ZDHHC15: variants seen among roughly 807,000 people sequenced by gnomAD.
The protein encoded by ZDHHC15 is palmitoyltransferase ZDHHC15.
A neutral mutation model predicts 31.7 loss-of-function variants in ZDHHC15; 19 were observed. The ratio of observed to expected loss-of-function variants is 0.60; its 90% CI spans 0.42 to 0.88. The LOEUF (loss-of-function observed/expected upper bound fraction) is 0.88, where lower values mean the gene tolerates loss of function less well. Among genes scored for constraint, ZDHHC15 ranks in the 40% least tolerant of loss-of-function variants. ZDHHC15 has a pLI of 0.00. For synonymous variants in ZDHHC15, 103 were observed against 90.0 expected (o/e 1.14, Z -0.82); for missense variants, 209 against 251.2 (o/e 0.83, Z 1.14).
intron 11 of ZDHHC15, among the ~76,000 whole-genome samples, chrX:75,373,926 G>GTTTTTTTTT (rs35704680): frequency 0.032 from 1,612 of 50,388 alleles, 345 homozygotes; most frequent in Non-Finnish European, 0.036. Context: ...CATTCTTTCT[G>GTTTTTTTTT]TTTTTTTTTT....
chrX:75,513,355 T>A (rs192631233), intron 1 of ZDHHC15, among the ~76,000 whole-genome samples: 1 of 111,808 alleles, frequency 8.9e-6, no homozygotes, highest in African/African-American at 3.2e-5. Context: ...CAGACTTACA[T>A]CCCTCCTCAA....
intron 7 of ZDHHC15, among the ~76,000 whole-genome samples, chrX:75,425,801 C>A (rs1209631821): frequency 9.0e-6 from 1 of 111,624 alleles, no homozygotes; most frequent in African/African-American, 3.3e-5. Flanking sequence ...CAACACTTGG[C>A]AAGTTCAGAT....
intron 3 of ZDHHC15, among the ~76,000 whole-genome samples, chrX:75,455,048 C>T (rs1392781112): frequency 9.0e-6 from 1 of 111,452 alleles, no homozygotes. Flanking sequence ...AAAAAAGAGC[C>T]CGAATTGCCA....
intron 2 of ZDHHC15, among the ~76,000 whole-genome samples, chrX:75,483,038 CAT>C (rs1325220270): frequency 1.0e-5 from 1 of 98,273 alleles, no homozygotes; most frequent in African/African-American, 3.9e-5. Flanking sequence ...CACACACATA[CAT>C]ATATACATAT....
At chrX:75,400,201 C>T (rs762028560) in intron 10 of ZDHHC15, among the ~76,000 whole-genome samples, 3 of 111,146 alleles carry the variant, frequency 2.7e-5, no homozygotes, top group Non-Finnish European at 5.6e-5. Context: ...AGGAGGATGG[C>T]AAAACCCAAT....
chrX:75,515,982 C>T (rs1461710970), intron 1 of ZDHHC15, among the ~76,000 whole-genome samples: 2 of 111,287 alleles, frequency 1.8e-5, no homozygotes, highest in East Asian at 2.8e-4. Context: ...CTCCCATTCA[C>T]AATTGCTTCA....
chrX:75,422,973 A>C (rs1449435541), intron 8 of ZDHHC15, among the ~76,000 whole-genome samples: 1 of 64,196 alleles, frequency 1.6e-5, no homozygotes, highest in Non-Finnish European at 2.7e-5. Flanking sequence ...ACCCCACAAC[A>C]GGCCCCAGAG....
At chrX:75,393,297 C>G (rs778516491) in intron 10 of ZDHHC15, among the ~76,000 whole-genome samples, 33 of 111,139 alleles carry the variant, frequency 3.0e-4, no homozygotes, top group Non-Finnish European at 4.7e-4. Context: ...GTTCCTCCCT[C>G]TGAAATAAGA....
chrX:75,518,871 A>C (rs1283239053), intron 1 of ZDHHC15, among the ~76,000 whole-genome samples: 1 of 96,795 alleles, frequency 1.0e-5, no homozygotes, highest in Non-Finnish European at 2.0e-5. Flanking sequence ...CAGCCATTAA[A>C]AGGGATAAAT....
intron 2 of ZDHHC15, among the ~76,000 whole-genome samples, chrX:75,499,504 T>C (rs1287904212): frequency 2.7e-5 from 3 of 111,578 alleles, no homozygotes; most frequent in African/African-American, 9.8e-5. Context: ...GATATACAAA[T>C]GGCCAACAAA....
chrX:75,510,248 T>C (rs1049761995), intron 1 of ZDHHC15, among the ~76,000 whole-genome samples: 12 of 111,759 alleles, frequency 1.1e-4, no homozygotes, highest in African/African-American at 3.6e-4. Flanking sequence ...GTGCAGAAAT[T>C]TGTATTTGAA....
intron 11 of ZDHHC15, among the ~76,000 whole-genome samples, chrX:75,377,933 C>T (rs1405700558): frequency 1.8e-5 from 2 of 111,671 alleles, no homozygotes; most frequent in African/African-American, 6.5e-5. Context: ...AGTAGTGTTT[C>T]CCCTAGGAAA....
At chrX:75,516,098 T>C (rs1335159995) in intron 1 of ZDHHC15, among the ~76,000 whole-genome samples, 23 of 111,802 alleles carry the variant, frequency 2.1e-4, no homozygotes, top group Non-Finnish European at 3.8e-4. Context: ...CACAAACAAA[T>C]GGAAGAATAT....
chrX:75,454,645 A>G (rs1408045978), intron 3 of ZDHHC15, among the ~76,000 whole-genome samples: 4 of 111,730 alleles, frequency 3.6e-5, no homozygotes, highest in Non-Finnish European at 5.6e-5. Context: ...GTGAGATGGT[A>G]TCTCATTGTG....
intron 2 of ZDHHC15, among the ~76,000 whole-genome samples, chrX:75,493,516 C>T (rs1239049125): frequency 9.0e-6 from 1 of 111,584 alleles, no homozygotes; most frequent in Non-Finnish European, 1.9e-5. Context: ...TGATGAACAT[C>T]CATGCAAAAA....
At chrX:75,504,065 G>T (rs1419295373) in intron 2 of ZDHHC15, among the ~76,000 whole-genome samples, 1 of 111,285 alleles carries the variant, frequency 9.0e-6, no homozygotes, top group East Asian at 2.8e-4. Flanking sequence ...CTTGAATCCA[G>T]TATGGCCTCA....
At chrX:75,521,238 G>C (rs1024841840) in intron 1 of ZDHHC15, among the ~76,000 whole-genome samples, 2 of 110,661 alleles carry the variant, frequency 1.8e-5, no homozygotes, top group African/African-American at 6.6e-5. Context: ...CAAGTTTAAG[G>C]GTGCTGGCGA....
At chrX:75,391,046 C>A (rs1211270116) in intron 10 of ZDHHC15, among the ~76,000 whole-genome samples, 1 of 111,572 alleles carries the variant, frequency 9.0e-6, no homozygotes, top group Non-Finnish European at 1.9e-5. Flanking sequence ...AGGAACCAAG[C>A]AGAAATTCTT....
At chrX:75,454,450 G>A (rs1383364675) in intron 3 of ZDHHC15, among the ~76,000 whole-genome samples, 1 of 111,959 alleles carries the variant, frequency 8.9e-6, no homozygotes, top group Non-Finnish European at 1.9e-5. Context: ...TATATGCCAA[G>A]TAATGGGATG....
Sources: gnomAD v4.1 joint callset for allele counts (sites outside exome capture counted in the v4.1 genomes callset) on GRCh38, gnomAD v4.1.1 for gene constraint, MANE v1.5 for transcripts, NCBI Gene and HGNC (gene_info 2026-07-23, HGNC 2026-07-21) for gene names.